Variants in WDR88 observed in about 807,000 individuals in gnomAD.
The protein encoded by WDR88 is WD repeat-containing protein 88.
WDR88 carries 40 observed loss-of-function variants against 46.8 expected under a neutral mutation model. That is an observed-to-expected ratio of 0.86 (90% confidence interval 0.66 to 1.11). The LOEUF (loss-of-function observed/expected upper bound fraction) is 1.11, where lower values mean the gene tolerates loss of function less well. Among genes scored for constraint, WDR88 ranks in the 50% most tolerant of loss-of-function variants. The probability of loss-of-function intolerance (pLI) is 0.00; values close to 1 mark genes in which losing one functional copy is unlikely to be tolerated. For missense variants in WDR88, 562 were observed against 602.4 expected (o/e 0.93, Z 0.70); for synonymous variants, 235 against 240.7 (o/e 0.98, Z 0.22).
At chr19:33,175,263 A>G in intron 10 of WDR88, 133 bp from the exon 11 acceptor site, 1 of 1,047,414 alleles carries the variant, frequency 9.5e-7, no homozygotes, top group Non-Finnish European at 1.4e-6. Context: ...AAACAAACAA[A>G]CCAAAAAGAG....
intron 2 of WDR88, among the ~76,000 whole-genome samples, chr19:33,138,164 G>A (rs1195336721): frequency 6.6e-6 from 1 of 151,904 alleles, no homozygotes; most frequent in Non-Finnish European, 1.5e-5. Flanking sequence ...AGCCTCCCAA[G>A]TAGCTGGGAT....
chr19:33,163,536 C>A (rs55686513), intron 8 of WDR88, among the ~76,000 whole-genome samples: 2,572 of 151,320 alleles, frequency 0.017, 75 homozygotes, highest in African/African-American at 0.058. Context: ...ACAACAACAA[C>A]AAAAAAAATA....
In WDR88 at chr19:33,164,277, C is replaced by A; in HGVS notation, c.1149+12C>A. ...TGTCTGCTTCCAAGGTAAAAGTGGT[C>A]AAGCTTACAATATCGATCACGTTCG... On this transcript the variant is annotated intron_variant, in intron 9 of 10. Transcript: ENST00000355868. The A allele has an allele frequency of 1.2e-6, 2 of 1,611,808 alleles. No homozygotes were observed. Among genetic ancestry groups the A allele is most frequent in the South Asian group, 1.1e-5 (1 of 90,970 alleles).
At chr19:33,148,961 C>G in intron 5 of WDR88, 51 bp downstream of exon 5, 1 of 1,610,632 alleles carries the variant, frequency 6.2e-7, no homozygotes, top group East Asian at 2.2e-5. Flanking sequence ...GGAATAGCCA[C>G]TTGTCACTGA....
Position 33,175,389 on chromosome 19 carries a change from A to G in WDR88, c.1243-7A>G, listed in dbSNP as rs1974105644. 1 of 1,613,768 alleles carries G rather than the reference A, an allele frequency of 6.2e-7. No homozygotes were observed. Among genetic ancestry groups the G allele is most frequent in the Non-Finnish European group, 8.5e-7 (1 of 1,179,852 alleles). On this transcript the variant is annotated splice_polypyrimidine_tract_variant and splice_region_variant and intron_variant, in intron 10 of 10. Transcript: ENST00000355868. ...CCTTTCTGCTCTTTTAAAATATCCC[A>G]TGTCAGTGCGAAAGATGTGACAGGC...
At chr19:33,140,441 T>C (rs1466302208) in intron 2 of WDR88, among the ~76,000 whole-genome samples, 1 of 152,170 alleles carries the variant, frequency 6.6e-6, no homozygotes, top group Non-Finnish European at 1.5e-5. Context: ...ACTTCAGGCA[T>C]GGGCCACCAA....
At chr19:33,157,429 C>T (rs767342813) in intron 7 of WDR88, among the ~76,000 whole-genome samples, 3 of 145,478 alleles carry the variant, frequency 2.1e-5, no homozygotes, top group South Asian at 2.2e-4. Flanking sequence ...ACCCGGGAGG[C>T]GGAGGCTGCA....
At position 33,137,679 on chromosome 19, in the gene WDR88, C is replaced by G; in HGVS notation, c.279C>G (p.Ile93Met). 1 of 1,609,828 alleles carries G rather than the reference C, an allele frequency of 6.2e-7. No individual in the cohort carries two copies. The highest frequency in any genetic ancestry group is 8.5e-7 in the Non-Finnish European group (1 of 1,178,620). The change falls in exon 2 of 11, where the codon ATC (isoleucine) becomes ATG (methionine). Residue 93 changes from isoleucine (I) to methionine (M), a missense_variant and splice_region_variant. By Grantham distance (10) the Ile-to-Met change is conservative. Coordinates refer to ENST00000355868, the MANE Select transcript of WDR88 (RefSeq NM_173479.4). The stretch of plus-strand genomic sequence containing the variant: ...CATCTGGTCTCTCCTTTTTTCAGAT[C>G]CCATTTAAAATTCTGAGTGGGCACG... ...IWGDQDPLSK[I>M]PFKILSGHEH...
rs752641881 is a variant in WDR88 at position 33,137,713 on chromosome 19, G to A, written c.313G>A (p.Val105Met). ...AATTCTGAGTGGGCACGAGCACGCT[G>A]TGAGCACCTGCCACTTCTGTGTGGA... is the stretch of plus-strand genomic sequence containing the variant. ...FKILSGHEHA[V>M]STCHFCVDDT... is the part of the protein sequence containing the mutation. Residue 105 changes from valine to methionine, a missense_variant, in exon 2 of 11, where the codon GTG becomes ATG. Transcript: ENST00000355868. The A allele has an allele frequency of 1.1e-5, 18 of 1,613,900 alleles. No individual in the cohort carries two copies. Among genetic ancestry groups the A allele is most frequent in the Non-Finnish European group, 1.4e-5 (17 of 1,180,026 alleles).
At chr19:33,133,154 C>A (rs1045683652) in intron 1 of WDR88, among the ~76,000 whole-genome samples, 3 of 116,418 alleles carry the variant, frequency 2.6e-5, no homozygotes, top group East Asian at 4.3e-4. Context: ...GAGACTGTCT[C>A]CAGAATAAAT....
At chr19:33,145,569 C>T (rs770480656) in intron 3 of WDR88, among the ~76,000 whole-genome samples, 1 of 151,098 alleles carries the variant, frequency 6.6e-6, no homozygotes, top group Non-Finnish European at 1.5e-5. Flanking sequence ...GAGTCCTGCT[C>T]TGTTGCCCAG....
chr19:33,175,301 C>T, intron 10 of WDR88, 95 bp from the exon 11 acceptor site: 4 of 1,290,332 alleles, frequency 3.1e-6, no homozygotes, highest in Non-Finnish European at 3.3e-6. Flanking sequence ...CCTTGCCTTG[C>T]CCCAGCTCAA....
intron 9 of WDR88, among the ~76,000 whole-genome samples, chr19:33,166,609 T>A (rs1018412310): frequency 1.6e-4 from 24 of 150,206 alleles, no homozygotes; most frequent in Admixed American, 1.4e-3. Context: ...TAAAAAAAAA[T>A]TATTGAATAT....
At chr19:33,146,558 G>C (rs773435235) in intron 3 of WDR88, among the ~76,000 whole-genome samples, 3 of 150,042 alleles carry the variant, frequency 2.0e-5, no homozygotes, top group African/African-American at 7.4e-5. Flanking sequence ...AGCCTCTCCT[G>C]CCCACGCTGG....
At chr19:33,174,150 A>G in intron 10 of WDR88, 2 of 1,535,752 alleles carry the variant, frequency 1.3e-6, no homozygotes, top group Non-Finnish European at 1.7e-6. Flanking sequence ...TCCGCACCCA[A>G]ACTGGGATCT....
chr19:33,157,688 T>C (rs1290610992), intron 7 of WDR88, among the ~76,000 whole-genome samples: 4 of 746 alleles, frequency 5.4e-3, no homozygotes, highest in East Asian at 0.013. Flanking sequence ...TGTATGTATG[T>C]ATATATATAT....
At chr19:33,137,490 T>C (rs1479515147) in intron 1 of WDR88, among the ~76,000 whole-genome samples, 187 bp from the exon 2 acceptor site, 2 of 152,078 alleles carry the variant, frequency 1.3e-5, no homozygotes, top group Non-Finnish European at 2.9e-5. Context: ...TGACCTCAGG[T>C]GATCTGCCTG....
intron 1 of WDR88, among the ~76,000 whole-genome samples, chr19:33,133,746 C>T (rs1033847349): frequency 2.0e-5 from 3 of 152,220 alleles, no homozygotes; most frequent in Non-Finnish European, 2.9e-5. Context: ...CTCCCCCATC[C>T]CCCTGTCTTG....
chr19:33,139,116 A>G (rs2145365972), intron 2 of WDR88, among the ~76,000 whole-genome samples: 1 of 152,314 alleles, frequency 6.6e-6, no homozygotes, highest in African/African-American at 2.4e-5. Context: ...GTGTGGTCAC[A>G]GAGGACAGAA....
Sources: allele counts gnomAD v4.1 joint callset (sites outside exome capture counted in the v4.1 genomes callset), GRCh38; gene constraint gnomAD v4.1.1; transcripts MANE v1.5; gene names NCBI Gene and HGNC (gene_info 2026-07-23, HGNC 2026-07-21).